Variants in C2orf68 observed in about 807,000 individuals in gnomAD.
The protein encoded by C2orf68 is UPF0561 protein C2orf68.
Under a neutral mutation model 19.1 loss-of-function variants are expected in C2orf68, and 15 were observed. The observed-to-expected ratio is 0.79, with a 90% CI of 0.53 to 1.21. The LOEUF is 1.21. Ranked by LOEUF, C2orf68 falls within the 50% of genes most tolerant of loss-of-function variation. The pLI is 0.00. For synonymous variants in C2orf68, 98 were observed against 91.0 expected (o/e 1.08, Z -0.44); for missense variants, 242 against 226.6 (o/e 1.07, Z -0.44).
In C2orf68 at chr2:85,611,863, A is replaced by C; in HGVS notation, c.107+15T>G. On this transcript the variant is annotated intron_variant, in intron 1 of 3. Coordinates refer to ENST00000306336, the MANE Select transcript of C2orf68 (RefSeq NM_001013649.4). Reference sequence around the variant, plus strand: ...CCAGGAGTGGTGGCGGCGGCGGCGCAGGGCGGGGCGGTACCGAGCGATCTG... The same window carrying C: ...CCAGGAGTGGTGGCGGCGGCGGCGCCGGGCGGGGCGGTACCGAGCGATCTG... 1 of 1,597,848 alleles carries C rather than the reference A, an allele frequency of 6.3e-7. No individual in the cohort carries two copies.
Position 85,609,061 on chromosome 2 carries a change from C to A in C2orf68, c.385G>T (p.Asp129Tyr). ...VTSVIVYQGDDPGKVSEKVSA... is the reference protein window; with the variant it reads ...VTSVIVYQGDYPGKVSEKVSA... ...ACCTTCTCACTCACCTTTCCTGGGT[C>A]ATCACCCTACGTGGAGGAAGAGTCA... The change falls in exon 4 of 4, where the codon GAC (aspartate) becomes TAC (tyrosine). Residue 129 changes from aspartate to tyrosine, a missense_variant. Coordinates refer to ENST00000306336, the MANE Select transcript of C2orf68 (RefSeq NM_001013649.4). 1 of 1,614,210 alleles carries A rather than the reference C, an allele frequency of 6.2e-7. No individual in the cohort carries two copies. The highest frequency in any genetic ancestry group is 8.5e-7 in the Non-Finnish European group (1 of 1,180,024).
Position 85,612,003 on chromosome 2 carries a change from A to G in C2orf68, c.-19T>C. On this transcript the variant is annotated 5_prime_UTR_variant, in exon 1 of 4. Transcript: ENST00000306336. ...CCTCCATCAGGAGCCGGGGACGCAG[A>G]GTCGCCGCCGCCTCGACGGCCCCAA... The G allele has an allele frequency of 6.7e-7, 1 of 1,490,110 alleles. No individual in the cohort carries two copies. 92.3% of individuals were successfully genotyped at this position (1,490,110 alleles called of 1,614,324 possible).
chr2:85,608,792 G>GGCC lies in C2orf68; in HGVS notation c.*150_*152dup. The GGCC allele has an allele frequency of 2.3e-6, 2 of 862,110 alleles. No individual in the cohort carries two copies. Among genetic ancestry groups the GGCC allele is most frequent in the Non-Finnish European group, 1.7e-6 (1 of 581,670 alleles). The allele number at this position is 862,110 out of a possible 1,614,324, so 53.4% of individuals were successfully genotyped here. On this transcript the variant is annotated 3_prime_UTR_variant, in exon 4 of 4. Transcript: ENST00000306336. Reference sequence around the variant, plus strand: ...TATAAGAAAGAATGACTGCAAGGCAGGCCAGGTGTAGTCCTGCAACACCCT... The same window carrying GGCC: ...TATAAGAAAGAATGACTGCAAGGCAGGCCGCCAGGTGTAGTCCTGCAACACCCT...
intron 3 of C2orf68, 134 bp from the exon 4 acceptor site, chr2:85,609,201 C>G: frequency 7.5e-7 from 1 of 1,333,602 alleles, no homozygotes; most frequent in East Asian, 2.4e-5. Context: ...TCCTATGTGT[C>G]TCCTGTAATA....
At position 85,611,981 on chromosome 2, in the gene C2orf68, C is replaced by T. The variant is rs1287033787; in HGVS notation, c.4G>A (p.Glu2Lys). The T allele has an allele frequency of 2.0e-6, 3 of 1,533,618 alleles. No homozygotes were observed. The South Asian group carries it at 3.6e-5, about 18-fold the overall frequency. M[E>K]AGPHPRPGHC... The stretch of plus-strand genomic sequence containing the variant: ...CCCGGCCGGGGATGCGGCCCCGCCT[C>T]CATCAGGAGCCGGGGACGCAGAGTC... Residue 2 changes from glutamate to lysine, a missense_variant, in exon 1 of 4, where the codon GAG becomes AAG. Coordinates refer to ENST00000306336, the MANE Select transcript of C2orf68 (RefSeq NM_001013649.4).
In C2orf68 at chr2:85,611,683, G is replaced by T; in HGVS notation, c.211C>A (p.Leu71Met). The change falls in exon 2 of 4, where the codon CTG (leucine) becomes ATG (methionine). Residue 71 changes from leucine to methionine, a missense_variant. Physicochemically the swap from Leu to Met is conservative, Grantham distance 15 (BLOSUM62 2). Transcript: ENST00000306336. ...GCGGCCTCACCTCGGTGTCGCGGCA[G>T]GTACACCTGCAGGTCTGGCTTGCGG... ...RPRKPDLQVY[L>M]PRHRDVSAHP... The T allele has an allele frequency of 1.3e-6, 2 of 1,570,476 alleles. No homozygotes were observed. Among genetic ancestry groups the T allele is most frequent in the South Asian group, 2.3e-5 (2 of 86,396 alleles).
rs1483157482 is a variant in C2orf68 at position 85,611,604 on chromosome 2, G to A, written c.226+64C>T. On this transcript the variant is annotated intron_variant, in intron 2 of 3. Coordinates refer to ENST00000306336, the MANE Select transcript of C2orf68 (RefSeq NM_001013649.4). ...GAGTAAGAAGTGGTTTTTCCCTATA[G>A]AGAAGGGGAGTGCGTTGCAGGAAGA... 6 of 1,555,410 alleles carry A rather than the reference G, an allele frequency of 3.9e-6. No homozygotes were observed. The Admixed American group carries it at 9.8e-5, about 25-fold the overall frequency.
rs1465467181 is a variant in C2orf68, at chr2:85,608,511, A to G, written c.*434T>C. 6.5e-6 allele frequency: 1 copy of G among 154,838 alleles called. No homozygotes were observed. The highest frequency in any genetic ancestry group is 6.5e-5 in the Admixed American group (1 of 15,394). The allele number at this position is 154,838 out of a possible 1,614,324, so 9.6% of individuals were successfully genotyped here. ...AAAAGGGCTGAAAAAAGGTCTATAAACACATGGGTGGAAATGAGCAAAAGC... is the reference window on the plus strand; with the variant it reads ...AAAAGGGCTGAAAAAAGGTCTATAAGCACATGGGTGGAAATGAGCAAAAGC... On this transcript the variant is annotated 3_prime_UTR_variant, in exon 4 of 4. Coordinates refer to ENST00000306336, the MANE Select transcript of C2orf68 (RefSeq NM_001013649.4).
rs1297452399 is a variant in C2orf68 at position 85,605,833 on chromosome 2, A to G, written c.*3112T>C. 6.6e-6 allele frequency among the ~76,000 whole-genome samples: 1 copy of G among 152,214 alleles called. No individual in the cohort carries two copies. Among genetic ancestry groups the G allele is most frequent in the Non-Finnish European group, 1.5e-5 (1 of 68,040 alleles). On this transcript the variant is annotated 3_prime_UTR_variant, in exon 4 of 4. Coordinates refer to ENST00000306336, the MANE Select transcript of C2orf68 (RefSeq NM_001013649.4). The stretch of plus-strand genomic sequence containing the variant: ...TTGACAGTGCCCCTCAGAGTGCACC[A>G]TGGAGATGGAATGTCCCTTCCAGAG...
intron 2 of C2orf68, 125 bp downstream of exon 2, chr2:85,611,543 A>C: frequency 1.3e-6 from 2 of 1,551,042 alleles, no homozygotes; most frequent in Non-Finnish European, 1.7e-6. Flanking sequence ...GCTGAGGTGG[A>C]GGTTCCGGAA....
Position 85,612,052 on chromosome 2 carries a change from TCCGCGCCG to T in C2orf68, c.-76_-69del. The T allele has an allele frequency of 1.7e-6, 2 of 1,207,798 alleles. No individual in the cohort carries two copies. Among genetic ancestry groups the T allele is most frequent in the Non-Finnish European group, 2.2e-6 (2 of 894,748 alleles). The allele number at this position is 1,207,798 out of a possible 1,614,324, so 74.8% of individuals were successfully genotyped here. A position where few individuals can be genotyped will look rare whatever the true frequency, so the allele number is the denominator to read the frequency against. ...AACAACAGCCACCCGCCCACAGAGC[TCCGCGCCG>T]CCCCTTGCTCAGCTTCCGGCCCCGC... On this transcript the variant is annotated 5_prime_UTR_variant, in exon 1 of 4. Transcript: ENST00000306336.
chr2:85,605,339 C>T lies in C2orf68; in HGVS notation c.*3606G>A, dbSNP rs1673176500. On this transcript the variant is annotated 3_prime_UTR_variant, in exon 4 of 4. Transcript: ENST00000306336. ...TTCTGGGATTTTCAAATAATTTGTA[C>T]ACTACATTTTATTCATCTACACATT... Among the ~76,000 whole-genome samples, 1 of 152,004 alleles carries T rather than the reference C, an allele frequency of 6.6e-6. No homozygotes were observed. The highest frequency in any genetic ancestry group is 1.5e-5 in the Non-Finnish European group (1 of 68,004).
chr2:85,608,738 G>C lies in C2orf68; in HGVS notation c.*207C>G. On this transcript the variant is annotated 3_prime_UTR_variant, in exon 4 of 4. Coordinates refer to ENST00000306336, the MANE Select transcript of C2orf68 (RefSeq NM_001013649.4). ...AAAAAAAAAAAAAAAAAGAATTCCA[G>C]AATATCAGGCTGGGCAAATGGGTCA... The C allele has an allele frequency of 1.2e-5, 2 of 168,864 alleles. No homozygotes were observed. The highest frequency in any genetic ancestry group is 2.3e-5 in the Non-Finnish European group (2 of 88,450). 10.5% of individuals were successfully genotyped at this position (168,864 alleles called of 1,614,324 possible).
In C2orf68 at chr2:85,607,344, T is replaced by C. The variant is rs2104136894; in HGVS notation, c.*1601A>G. The C allele has an allele frequency of 6.6e-6, 1 of 152,218 alleles. No individual in the cohort carries two copies. Among genetic ancestry groups the C allele is most frequent in the Middle Eastern group, 3.4e-3 (1 of 294 alleles). 9.4% of individuals were successfully genotyped at this position (152,218 alleles called of 1,614,324 possible). ...TGACCCAGGAGGCTTTGGAGGGTAG[T>C]TAACATTAGAAGTCAAAAGGCACTT... On this transcript the variant is annotated 3_prime_UTR_variant, in exon 4 of 4. Transcript: ENST00000306336.
In C2orf68 at chr2:85,607,667, C is replaced by CT. The variant is rs577067534; in HGVS notation, c.*1277dup. 9 of 152,314 alleles carry CT rather than the reference C, an allele frequency of 5.9e-5. No homozygotes were observed. In the East Asian group the frequency reaches 1.5e-3, roughly 26 times the overall value. 9.4% of individuals were successfully genotyped at this position (152,314 alleles called of 1,614,324 possible). ...ACAAACCAACAGTGCCATCAGGTGTCTTAACACCCGGATGTGGAGAAACCC... is the reference window on the plus strand; with the variant it reads ...ACAAACCAACAGTGCCATCAGGTGTCTTTAACACCCGGATGTGGAGAAACCC... On this transcript the variant is annotated 3_prime_UTR_variant, in exon 4 of 4. Transcript: ENST00000306336.
rs945325585 is a variant in C2orf68, at chr2:85,606,219, A to G, written c.*2726T>C. On this transcript the variant is annotated 3_prime_UTR_variant, in exon 4 of 4. Transcript: ENST00000306336. The stretch of plus-strand genomic sequence containing the variant: ...CAATTACATCGTATCTAGTCAAATG[A>G]GCGGATTCTAAAGCAGCCTGCTGGG... 1.1e-4 allele frequency among the ~76,000 whole-genome samples: 17 copies of G among 152,198 alleles called. No homozygotes were observed. Among genetic ancestry groups the G allele is most frequent in the Non-Finnish European group, 1.5e-5 (1 of 68,032 alleles).
intron 2 of C2orf68, 68 bp from the exon 3 acceptor site, chr2:85,609,654 C>G (rs1225522586): frequency 4.4e-6 from 7 of 1,574,200 alleles, no homozygotes; most frequent in Non-Finnish European, 6.1e-6. Flanking sequence ...CATAGAGATG[C>G]TGCAGGAAAA....
chr2:85,609,449 C>A lies in C2orf68; in HGVS notation c.364G>T (p.Val122Phe). The A allele has an allele frequency of 6.2e-7, 1 of 1,614,198 alleles. No individual in the cohort carries two copies. The highest frequency in any genetic ancestry group is 2.2e-5 in the East Asian group (1 of 44,882). The change falls in exon 3 of 4, where the codon GTT (valine) becomes TTT (phenylalanine). Residue 122 changes from valine (V) to phenylalanine (F), a missense_variant. Transcript: ENST00000306336. ...ACCAGGCGTACCTGATAGACGATAA[C>A]TGATGTGACCTCTCCACTGTCTGCC... Reference protein sequence around the residue: ...YEADSGEVTSVIVYQGDDPGK... With the variant: ...YEADSGEVTSFIVYQGDDPGK...
intron 2 of C2orf68, chr2:85,611,369 C>A: frequency 6.9e-7 from 1 of 1,447,274 alleles, no homozygotes; most frequent in South Asian, 1.5e-5. Context: ...GCCAGACTTT[C>A]TCTTTGCTAG....
Sources: gnomAD v4.1 joint callset for allele counts (sites outside exome capture counted in the v4.1 genomes callset) on GRCh38, gnomAD v4.1.1 for gene constraint, MANE v1.5 for transcripts, NCBI Gene and HGNC (gene_info 2026-07-23, HGNC 2026-07-21) for gene names.